The following SGTA variants were observed in gnomAD, a reference collection of about 807,000 sequenced individuals.
SGTA encodes small glutamine-rich tetratricopeptide repeat-containing protein alpha.
SGTA carries 22 observed loss-of-function variants against 44.3 expected under a neutral mutation model. The observed-to-expected ratio is 0.50, with a 90% CI of 0.36 to 0.71. SGTA has a LOEUF of 0.71. Ranked by LOEUF, SGTA falls within the 30% of genes least tolerant of loss-of-function variation. SGTA has a pLI of 0.00. For missense variants in SGTA, 341 were observed against 435.9 expected (o/e 0.78, Z 1.94); for synonymous variants, 174 against 177.6 (o/e 0.98, Z 0.16).
chr19:2,757,559 C>G, intron 10 of SGTA, 102 bp from the exon 11 acceptor site: 1 of 1,504,408 alleles, frequency 6.6e-7, no homozygotes, highest in South Asian at 1.2e-5. Context: ...CAAAGACAGG[C>G]CTGACCCCTC....
At chr19:2,759,341 T>C in intron 8 of SGTA, 47 bp from the exon 9 acceptor site, 2 of 1,557,430 alleles carry the variant, frequency 1.3e-6, no homozygotes, top group Non-Finnish European at 1.8e-6. Context: ...TCCCAGCGCA[T>C]CATTCTCTTT....
chr19:2,758,032 C>A (rs547804638), intron 9 of SGTA, among the ~76,000 whole-genome samples: 1 of 152,316 alleles, frequency 6.6e-6, no homozygotes, highest in Admixed American at 6.5e-5. Flanking sequence ...ATCCTGCCCC[C>A]AGAGGACCCC....
In SGTA at chr19:2,757,753, T is replaced by C. The variant is rs1914868388; in HGVS notation, c.767A>G (p.Asn256Ser). 1 of 1,603,574 alleles carries C rather than the reference T, an allele frequency of 6.2e-7. No homozygotes were observed. ...LMSGMISGGN[N>S]PLGTPGTSPS... ...GCTGGTGCCGGGAGTTCCCAAGGGGTTGTTGCCACCCGAAATCATGCCGGA... is the reference window on the plus strand; with the variant it reads ...GCTGGTGCCGGGAGTTCCCAAGGGGCTGTTGCCACCCGAAATCATGCCGGA... The change falls in exon 10 of 12, where the codon AAC (asparagine) becomes AGC (serine). Residue 256 changes from asparagine to serine, a missense_variant. By Grantham distance (46) the Asn-to-Ser change is conservative. Coordinates refer to ENST00000221566, the MANE Select transcript of SGTA (RefSeq NM_003021.4).
At chr19:2,762,713 G>A (rs559921358) in intron 6 of SGTA, 69 bp from the exon 7 acceptor site, 14 of 1,578,634 alleles carry the variant, frequency 8.9e-6, no homozygotes, top group Admixed American at 1.7e-5. Flanking sequence ...CAAAGCCCTC[G>A]TCCCCGGCGG....
intron 1 of SGTA, among the ~76,000 whole-genome samples, chr19:2,775,263 C>T (rs923051041): frequency 7.9e-5 from 12 of 152,342 alleles, no homozygotes; most frequent in African/African-American, 2.2e-4. Flanking sequence ...AGATCAGAGG[C>T]GTTCAGTGTC....
rs1361373979 is a variant in SGTA at position 2,761,021 on chromosome 19, A to G, written c.699+439T>C. ...TGAGTGCCCGGGCATCGGGAGGTCC[A>G]CCTGCGCCCGGCGCACCCGGCGCTC... On this transcript the variant is annotated intron_variant, in intron 8 of 11. Coordinates refer to ENST00000221566, the MANE Select transcript of SGTA (RefSeq NM_003021.4). This position sits in a 1 kb window ranked among gnomAD's most constrained non-coding sequence, Gnocchi z 5.7. Among the ~76,000 whole-genome samples the G allele has an allele frequency of 5.9e-5, 9 of 152,194 alleles. No homozygotes were observed. Among genetic ancestry groups the G allele is most frequent in the Non-Finnish European group, 1.2e-4 (8 of 68,028 alleles).
At position 2,755,825 on chromosome 19, in the gene SGTA, G is replaced by C; in HGVS notation, c.*115C>G. 1.0e-6 allele frequency: 1 copy of C among 985,570 alleles called. No individual in the cohort carries two copies. Among genetic ancestry groups the C allele is most frequent in the Non-Finnish European group, 1.2e-6 (1 of 830,018 alleles). 61.1% of individuals were successfully genotyped at this position (985,570 alleles called of 1,614,324 possible). ...AAAATCCATCTTGACATGCAGGTCC[G>C]AGGTCTCTCTCTTCCCCTCTCTCAG... On this transcript the variant is annotated 3_prime_UTR_variant, in exon 12 of 12. Transcript: ENST00000221566. This position sits in a 1 kb window ranked among gnomAD's most constrained non-coding sequence, Gnocchi z 5.2.
chr19:2,757,705 C>T lies in SGTA; in HGVS notation c.815G>A (p.Ser272Asn), dbSNP rs1250239822. 1.3e-6 allele frequency: 2 copies of T among 1,588,422 alleles called. No individual in the cohort carries two copies. Among genetic ancestry groups the T allele is most frequent in the Non-Finnish European group, 1.7e-6 (2 of 1,168,820 alleles). Residue 272 changes from serine (S) to asparagine (N), a missense_variant, in exon 10 of 12, where the codon AGC becomes AAC. Transcript: ENST00000221566. ...GTSPSQNDLA[S>N]LIQAGQQFAQ... is the part of the protein sequence containing the mutation. ...CAGTTCCACTCACGCCTGGATGAGG[C>T]TGGCCAGGTCGTTCTGCGAGGGGCT...
At chr19:2,779,258 C>CG (rs1915516124) in intron 1 of SGTA, among the ~76,000 whole-genome samples, 1 of 152,088 alleles carries the variant, frequency 6.6e-6, no homozygotes, top group African/African-American at 2.4e-5. Flanking sequence ...TTCAGAACTG[C>CG]GGGTCCACGG....
At chr19:2,774,851 T>C (rs1021836649) in intron 1 of SGTA, among the ~76,000 whole-genome samples, 7 of 152,254 alleles carry the variant, frequency 4.6e-5, no homozygotes, top group East Asian at 1.9e-4. Flanking sequence ...TGAAGCTGTG[T>C]GCGCGCGCAT....
chr19:2,780,079 C>A (rs1915537250), intron 1 of SGTA, among the ~76,000 whole-genome samples: 1 of 152,076 alleles, frequency 6.6e-6, no homozygotes. Flanking sequence ...CAAAGTGAGA[C>A]CCTGTCTCTA....
intron 9 of SGTA, 60 bp downstream of exon 9, chr19:2,759,197 A>G (rs1354847594): frequency 2.7e-6 from 4 of 1,487,680 alleles, no homozygotes; most frequent in Non-Finnish European, 3.7e-6. Context: ...AAGTGAATTT[A>G]CCCACAATAA....
intron 1 of SGTA, among the ~76,000 whole-genome samples, chr19:2,769,434 G>A (rs1481347480): frequency 6.6e-6 from 1 of 152,158 alleles, no homozygotes; most frequent in Non-Finnish European, 1.5e-5. Flanking sequence ...CATGAGGTGG[G>A]TGGGGGCCAG....
rs1480933838 is a variant in SGTA at position 2,763,357 on chromosome 19, C to T, written c.497+296G>A. 6.6e-6 allele frequency among the ~76,000 whole-genome samples: 1 copy of T among 152,156 alleles called. No individual in the cohort carries two copies. The highest frequency in any genetic ancestry group is 1.5e-5 in the Non-Finnish European group (1 of 68,032). On this transcript the variant is annotated intron_variant, in intron 6 of 11. Transcript: ENST00000221566. The surrounding 1 kb of genome is among the most constrained non-coding windows in gnomAD (Gnocchi z 5.8). Reference sequence around the variant, plus strand: ...GTGCTTCCCTGAGCTCTGTGAGCCGCCCCAGCAAACAATGGAGCCTGAGTA... The same window carrying T: ...GTGCTTCCCTGAGCTCTGTGAGCCGTCCCAGCAAACAATGGAGCCTGAGTA...
chr19:2,780,484 C>G (rs1179407170), intron 1 of SGTA, among the ~76,000 whole-genome samples: 1 of 152,136 alleles, frequency 6.6e-6, no homozygotes, highest in Non-Finnish European at 1.5e-5. Flanking sequence ...GGCCTCTCAC[C>G]AGCTGGGGGT....
At chr19:2,758,035 A>C (rs907609147) in intron 9 of SGTA, among the ~76,000 whole-genome samples, 1 of 152,186 alleles carries the variant, frequency 6.6e-6, no homozygotes, top group Non-Finnish European at 1.5e-5. Context: ...CTGCCCCCAG[A>C]GGACCCCTGC....
intron 1 of SGTA, among the ~76,000 whole-genome samples, chr19:2,771,422 C>G (rs1469064804): frequency 6.9e-6 from 1 of 144,704 alleles, no homozygotes; most frequent in Admixed American, 6.9e-5. Context: ...GACTCCATGT[C>G]AAAAAAAAAA....
At position 2,763,120 on chromosome 19, in the gene SGTA, G is replaced by A. The variant is rs1020209683; in HGVS notation, c.498-476C>T. Among the ~76,000 whole-genome samples, 1 of 152,184 alleles carries A rather than the reference G, an allele frequency of 6.6e-6. No homozygotes were observed. The highest frequency in any genetic ancestry group is 6.5e-5 in the Admixed American group (1 of 15,286). ...CCCTACAGAGCCCAGGAGGAGGCGG[G>A]TCCTGGGGAGACTGGGCAGTTGAAC... is the stretch of plus-strand genomic sequence containing the variant. On this transcript the variant is annotated intron_variant, in intron 6 of 11. Coordinates refer to ENST00000221566, the MANE Select transcript of SGTA (RefSeq NM_003021.4). This position sits in a 1 kb window ranked among gnomAD's most constrained non-coding sequence, Gnocchi z 5.8.
rs1483777301 is a variant in SGTA, at chr19:2,761,730, A to T, written c.637-208T>A. On this transcript the variant is annotated intron_variant, in intron 7 of 11. Transcript: ENST00000221566. The surrounding 1 kb of genome is among the most constrained non-coding windows in gnomAD (Gnocchi z 5.7). The stretch of plus-strand genomic sequence containing the variant: ...GTCATCCCGTGTTTATTCCCCGCAC[A>T]GCGCGACCGCCCGGGGACGGCACAG... Among the ~76,000 whole-genome samples, 2 of 147,158 alleles carry T rather than the reference A, an allele frequency of 1.4e-5. No individual in the cohort carries two copies. Among genetic ancestry groups the T allele is most frequent in the Admixed American group, 1.3e-4 (2 of 14,880 alleles).
Sources: gnomAD v4.1 joint callset for allele counts (sites outside exome capture counted in the v4.1 genomes callset) on GRCh38, gnomAD v4.1.1 for gene constraint, Gnocchi (gnomAD v3.1) non-coding constraint, MANE v1.5 for transcripts, NCBI Gene and HGNC (gene_info 2026-07-23, HGNC 2026-07-21) for gene names.